ADAMTS12: variants seen among roughly 807,000 people sequenced by gnomAD.
The protein encoded by ADAMTS12 is A disintegrin and metalloproteinase with thrombospondin motifs 12.
Under a neutral mutation model 167.8 loss-of-function variants are expected in ADAMTS12, and 118 were observed. That is an observed-to-expected ratio of 0.70 (90% CI 0.61 to 0.82). The LOEUF (loss-of-function observed/expected upper bound fraction) is 0.82. ADAMTS12 is among the 40% of genes least tolerant of loss of function. The pLI is 0.00. For missense variants in ADAMTS12, 1,916 were observed against 1,998.8 expected (o/e 0.96, Z 0.79); for synonymous variants, 704 against 716.9 (o/e 0.98, Z 0.29).
At chr5:33,671,128 C>T (rs766199267) in intron 5 of ADAMTS12, among the ~76,000 whole-genome samples, 12 of 152,092 alleles carry the variant, frequency 7.9e-5, no homozygotes, top group Non-Finnish European at 1.5e-4. Context: ...TGTATTATCA[C>T]AGAGCAGATT....
intron 3 of ADAMTS12, among the ~76,000 whole-genome samples, chr5:33,724,048 C>T (rs1375641044): frequency 6.6e-6 from 1 of 152,190 alleles, no homozygotes; most frequent in East Asian, 1.9e-4. Context: ...AAGCTGGATC[C>T]AGAGTGAGCC....
chr5:33,860,147 T>G (rs930554181), intron 2 of ADAMTS12, among the ~76,000 whole-genome samples: 1 of 152,054 alleles, frequency 6.6e-6, no homozygotes, highest in African/African-American at 2.4e-5. Context: ...GGAAGAAAAC[T>G]GGATGGAGAA....
intron 2 of ADAMTS12, among the ~76,000 whole-genome samples, chr5:33,752,020 A>T (rs1745009503): frequency 1.3e-5 from 2 of 152,234 alleles, no homozygotes; most frequent in Non-Finnish European, 2.9e-5. Flanking sequence ...GGAAGTGTTT[A>T]ATGGCACTCT....
rs1323434929 is a variant in ADAMTS12, at chr5:33,576,499, A to G, written c.3527T>C (p.Ile1176Thr). 1.2e-6 allele frequency: 2 copies of G among 1,610,018 alleles called. No homozygotes were observed. The highest frequency in any genetic ancestry group is 2.7e-5 in the African/African-American group (2 of 74,756). ...TCCAGGTACTCTGATCTTGGTCCAT[A>G]TTACAGGATTGCTTTCATCTTTGTC... ...PEDKDESNPVIWTKIRVPGND... is the reference protein window; with the variant it reads ...PEDKDESNPVTWTKIRVPGND... The change falls in exon 19 of 24, where the codon ATA becomes ACA. Residue 1176 changes from isoleucine (I) to threonine (T), a missense_variant. Ile to Thr is a moderately conservative substitution (Grantham distance 89, BLOSUM62 -1). Transcript: ENST00000504830.
intron 3 of ADAMTS12, among the ~76,000 whole-genome samples, chr5:33,706,903 A>G (rs1743222647): frequency 6.6e-6 from 1 of 152,208 alleles, no homozygotes; most frequent in African/African-American, 2.4e-5. Context: ...CAAGACAAGT[A>G]TGCCCTTTCT....
rs979199570 is a variant in ADAMTS12 at position 33,586,688 on chromosome 5, C to T, written c.2865+1911G>A. On this transcript the variant is annotated intron_variant, in intron 18 of 23. Coordinates refer to ENST00000504830, the MANE Select transcript of ADAMTS12 (RefSeq NM_030955.4). Reference sequence around the variant, plus strand: ...CAAGAATTATTAACAGTTTTGGATGCGGCCAACACATTTTTGGTAAACAGA... The same window carrying T: ...CAAGAATTATTAACAGTTTTGGATGTGGCCAACACATTTTTGGTAAACAGA... 5.3e-5 allele frequency among the ~76,000 whole-genome samples: 8 copies of T among 152,206 alleles called. No homozygotes were observed. The East Asian group carries it at 5.8e-4, about 11-fold the overall frequency.
intron 14 of ADAMTS12, among the ~76,000 whole-genome samples, chr5:33,618,431 T>C (rs1739138684): frequency 6.6e-6 from 1 of 152,250 alleles, no homozygotes; most frequent in Admixed American, 6.5e-5. Context: ...GTGTTCTATA[T>C]GGTACTAATC....
At chr5:33,734,704 G>A (rs1744310325) in intron 3 of ADAMTS12, among the ~76,000 whole-genome samples, 1 of 152,206 alleles carries the variant, frequency 6.6e-6, no homozygotes, top group Non-Finnish European at 1.5e-5. Flanking sequence ...AGCAAAGGAT[G>A]ACAACACCAA....
In ADAMTS12 at chr5:33,831,475, T is replaced by A. The variant is rs151257796; in HGVS notation, c.489+49644A>T. ...TATCCTGTGAAAGTTTCTGCACAAA[T>A]TAGCCCAAATAGTAGTCTGGCTTCT... On this transcript the variant is annotated intron_variant, in intron 2 of 23. Transcript: ENST00000504830. Among the ~76,000 whole-genome samples, 213 of 152,350 alleles carry A rather than the reference T, an allele frequency of 1.4e-3. 1 individual carries two copies. The highest frequency in any genetic ancestry group is 5.0e-3 in the African/African-American group (208 of 41,590).
intron 16 of ADAMTS12, among the ~76,000 whole-genome samples, chr5:33,607,038 C>CA (rs1429952308): frequency 5.9e-5 from 9 of 151,438 alleles, no homozygotes; most frequent in South Asian, 4.2e-4. Flanking sequence ...TCAGTAGATG[C>CA]AAAAAAAATT....
At chr5:33,701,938 C>T (rs147558920) in intron 3 of ADAMTS12, among the ~76,000 whole-genome samples, 1 of 152,300 alleles carries the variant, frequency 6.6e-6, no homozygotes, top group East Asian at 1.9e-4. Context: ...TTTCCTTTTT[C>T]AAGTTTCCTC....
At chr5:33,782,679 T>C (rs1400441822) in intron 2 of ADAMTS12, among the ~76,000 whole-genome samples, 1 of 151,898 alleles carries the variant, frequency 6.6e-6, no homozygotes, top group Non-Finnish European at 1.5e-5. Context: ...GTAAGAAATA[T>C]CAGAGAAAAA....
At chr5:33,537,651 T>C (rs906053751) in intron 22 of ADAMTS12, among the ~76,000 whole-genome samples, 3 of 152,218 alleles carry the variant, frequency 2.0e-5, no homozygotes, top group Admixed American at 1.3e-4. Context: ...TTGTGCCTAA[T>C]ATAATTCCTG....
intron 2 of ADAMTS12, among the ~76,000 whole-genome samples, chr5:33,854,053 T>A (rs1002995360): frequency 6.6e-6 from 1 of 152,220 alleles, no homozygotes; most frequent in Admixed American, 6.5e-5. Flanking sequence ...ATGCAAAATA[T>A]GTCAAGCCTC....
rs184426861 is a variant in ADAMTS12 at position 33,731,674 on chromosome 5, C to G, written c.634+19730G>C. Among the ~76,000 whole-genome samples, 75 of 152,234 alleles carry G rather than the reference C, an allele frequency of 4.9e-4. No homozygotes were observed. The East Asian group carries it at 0.013, about 27-fold the overall frequency. ...CTTTTTGGGACTATGCTGATAGGAT[C>G]TAGAATTAAGGCCAGTGTGAAAAGG... On this transcript the variant is annotated intron_variant, in intron 3 of 23. Transcript: ENST00000504830.
At chr5:33,790,810 T>TATGC (rs1746534594) in intron 2 of ADAMTS12, among the ~76,000 whole-genome samples, 1 of 141,924 alleles carries the variant, frequency 7.0e-6, no homozygotes, top group African/African-American at 2.6e-5. Context: ...TATATATATA[T>TATGC]GCATGTTGAT....
chr5:33,782,288 A>G (rs1048639777), intron 2 of ADAMTS12, among the ~76,000 whole-genome samples: 20 of 152,214 alleles, frequency 1.3e-4, no homozygotes, highest in Admixed American at 7.9e-4. Flanking sequence ...CAAAAAGAAA[A>G]TAGTTTAAAA....
At chr5:33,606,830 T>C (rs1738465045) in intron 16 of ADAMTS12, among the ~76,000 whole-genome samples, 1 of 152,228 alleles carries the variant, frequency 6.6e-6, no homozygotes. Context: ...ATAGATCTCA[T>C]TCATGAATGT....
chr5:33,759,238 C>A (rs1023683729), intron 2 of ADAMTS12, among the ~76,000 whole-genome samples: 11 of 152,172 alleles, frequency 7.2e-5, no homozygotes, highest in African/African-American at 2.7e-4. Flanking sequence ...AGAGCTGAAA[C>A]CTTCAACAGA....
Sources: gnomAD v4.1 joint callset for allele counts (sites outside exome capture counted in the v4.1 genomes callset) on GRCh38, gnomAD v4.1.1 for gene constraint, MANE v1.5 for transcripts, NCBI Gene and HGNC (gene_info 2026-07-23, HGNC 2026-07-21) for gene names.